Variants in CPNE3 observed in about 807,000 individuals in gnomAD.
The protein encoded by CPNE3 is copine 3.
Under a neutral mutation model 63.9 loss-of-function variants are expected in CPNE3, and 68 were observed. The observed-to-expected ratio is 1.06, with a 90% CI of 0.87 to 1.30. The LOEUF is 1.30. CPNE3 is among the 50% of genes most tolerant of loss of function. The pLI, the probability that CPNE3 is intolerant of heterozygous loss-of-function variation, is 0.00. For missense variants in CPNE3, 665 were observed against 578.1 expected (o/e 1.15, Z -1.54); for synonymous variants, 219 against 197.5 (o/e 1.11, Z -0.91).
intron 6 of CPNE3, among the ~76,000 whole-genome samples, chr8:86,534,588 G>A (rs983760168): frequency 5.9e-5 from 9 of 152,070 alleles, no homozygotes; most frequent in African/African-American, 1.4e-4. Context: ...CCTGGGAGGC[G>A]GAGGTTGCAG....
Position 86,556,086 on chromosome 8 carries a change from T to C in CPNE3, c.1255-16T>C, listed in dbSNP as rs774320793. The C allele has an allele frequency of 2.6e-5, 23 of 871,622 alleles. No individual in the cohort carries two copies. In the Admixed American group the frequency reaches 3.2e-4, roughly 12 times the overall value. The allele number at this position is 871,622 out of a possible 1,614,324, so 54.0% of individuals were successfully genotyped here. ...TGCTTGACTTGCTCAGGGGACATGT[T>C]TTCTTTTTCTGGCAGCAATATTTTG... On this transcript the variant is annotated splice_polypyrimidine_tract_variant and intron_variant, in intron 15 of 16. Coordinates refer to ENST00000517490, the MANE Select transcript of CPNE3 (RefSeq NM_003909.5).
At position 86,529,064 on chromosome 8, in the gene CPNE3, C is replaced by G. The variant is rs1259706769; in HGVS notation, c.252C>G (p.Asn84Lys). The G allele has an allele frequency of 3.7e-6, 6 of 1,613,914 alleles. No individual in the cohort carries two copies. The highest frequency in any genetic ancestry group is 3.3e-5 in the South Asian group (3 of 91,064). ...AATTTGGGGTTTATGACATCGACAA[C>G]AAAACTATTGAGCTGAGTGATGATG... ...KLKFGVYDID[N>K]KTIELSDDDF... The change falls in exon 4 of 17, where the codon AAC becomes AAG. Residue 84 changes from asparagine to lysine, a missense_variant. By Grantham distance (94) the Asn-to-Lys change is moderately conservative. Coordinates refer to ENST00000517490, the MANE Select transcript of CPNE3 (RefSeq NM_003909.5).
intron 14 of CPNE3, among the ~76,000 whole-genome samples, chr8:86,554,375 C>A (rs1420130555): frequency 6.6e-6 from 1 of 152,182 alleles, no homozygotes; most frequent in Admixed American, 6.5e-5. Context: ...TGAATAAACA[C>A]TTGTATCAGT....
At chr8:86,555,656 A>G (rs1255006740) in intron 15 of CPNE3, among the ~76,000 whole-genome samples, 1 of 152,134 alleles carries the variant, frequency 6.6e-6, no homozygotes, top group Non-Finnish European at 1.5e-5. Flanking sequence ...CATCACTTAA[A>G]CCATATCTAT....
chr8:86,540,346 T>TTA lies in CPNE3; in HGVS notation c.633+23_633+24dup, dbSNP rs770711166. 1.3e-5 allele frequency: 17 copies of TTA among 1,318,368 alleles called. No individual in the cohort carries two copies. Among genetic ancestry groups the TTA allele is most frequent in the East Asian group, 2.6e-5 (1 of 38,658 alleles). The allele number at this position is 1,318,368 out of a possible 1,614,324, so 81.7% of individuals were successfully genotyped here. On this transcript the variant is annotated intron_variant, in intron 8 of 16. Coordinates refer to ENST00000517490, the MANE Select transcript of CPNE3 (RefSeq NM_003909.5). ...ACAAAACCATTAAGGTAAGTTGAAA[T>TTA]TATATATATATAAAATACTTAAATA...
intron 7 of CPNE3, 85 bp downstream of exon 7, chr8:86,537,731 AG>A: frequency 2.4e-6 from 2 of 828,194 alleles, no homozygotes; most frequent in Non-Finnish European, 4.1e-6. Flanking sequence ...TATTTATAAA[AG>A]TATCAATCTG....
intron 7 of CPNE3, among the ~76,000 whole-genome samples, chr8:86,539,401 A>C (rs753187123): frequency 4.4e-4 from 67 of 152,294 alleles, no homozygotes; most frequent in Non-Finnish European, 7.5e-4. Context: ...TGAGTGCTGA[A>C]TGTGCTCATT....
chr8:86,533,665 C>T lies in CPNE3; in HGVS notation c.459+1085C>T, dbSNP rs186438005. 1.7e-3 allele frequency among the ~76,000 whole-genome samples: 253 copies of T among 151,926 alleles called. 1 individual carries two copies. Among genetic ancestry groups the T allele is most frequent in the African/African-American group, 5.6e-3 (232 of 41,452 alleles). ...CTCTTTTTAAAAAATTTCATGTTCT[C>T]ATCACCCATTTTCCACAATTATAAC... On this transcript the variant is annotated intron_variant, in intron 6 of 16. Transcript: ENST00000517490.
At chr8:86,530,975 AG>A (rs1820669472) in intron 4 of CPNE3, among the ~76,000 whole-genome samples, 179 bp from the exon 5 acceptor site, 1 of 152,156 alleles carries the variant, frequency 6.6e-6, no homozygotes, top group South Asian at 2.1e-4. Flanking sequence ...TACAGGCATG[AG>A]CCACTGCACC....
intron 6 of CPNE3, among the ~76,000 whole-genome samples, chr8:86,532,991 A>G (rs1820714310): frequency 6.6e-6 from 1 of 152,082 alleles, no homozygotes; most frequent in South Asian, 2.1e-4. Context: ...AATTTAGTAT[A>G]TAGCATGGAT....
intron 4 of CPNE3, 144 bp from the exon 5 acceptor site, chr8:86,531,011 A>C: frequency 1.6e-6 from 1 of 608,332 alleles, no homozygotes; most frequent in South Asian, 2.0e-5. Context: ...TAGATGATCT[A>C]AATCTTTAAG....
chr8:86,556,424 G>T, intron 16 of CPNE3, 86 bp downstream of exon 16: 1 of 812,990 alleles, frequency 1.2e-6, no homozygotes. Flanking sequence ...GATTAGGTGT[G>T]CAGGGTTAGA....
Position 86,523,845 on chromosome 8 carries a change from C to T in CPNE3, c.-10-4691C>T, listed in dbSNP as rs186030965. ...TCAAGTGATCCCCCTACCTCGCCCACCCAAAGTGCTGGGATTACAGGTGTG... is the reference window on the plus strand; with the variant it reads ...TCAAGTGATCCCCCTACCTCGCCCATCCAAAGTGCTGGGATTACAGGTGTG... On this transcript the variant is annotated intron_variant, in intron 2 of 16. Coordinates refer to ENST00000517490, the MANE Select transcript of CPNE3 (RefSeq NM_003909.5). 1.9e-3 allele frequency among the ~76,000 whole-genome samples: 295 copies of T among 152,276 alleles called. 2 individuals are homozygous for T. Among genetic ancestry groups the T allele is most frequent in the Middle Eastern group, 6.8e-3 (2 of 294 alleles).
intron 2 of CPNE3, among the ~76,000 whole-genome samples, chr8:86,522,169 C>G (rs1012444644): frequency 2.0e-5 from 3 of 152,130 alleles, no homozygotes; most frequent in Admixed American, 1.3e-4. Context: ...AAGTAGAAAT[C>G]TCTGGGGAGC....
chr8:86,546,751 G>T, intron 10 of CPNE3, 70 bp downstream of exon 10: 2 of 1,508,908 alleles, frequency 1.3e-6, no homozygotes, highest in South Asian at 2.5e-5. Flanking sequence ...TCGCTCTGTT[G>T]CCCAGGCTGG....
intron 10 of CPNE3, 88 bp from the exon 11 acceptor site, chr8:86,547,623 A>G: frequency 1.4e-6 from 1 of 708,766 alleles, no homozygotes; most frequent in Non-Finnish European, 2.5e-6. Context: ...TGTTCAATTT[A>G]CAGACTTTTA....
At position 86,557,426 on chromosome 8, in the gene CPNE3, G is replaced by T. The variant is rs373265800; in HGVS notation, c.1492-862G>T. On this transcript the variant is annotated intron_variant, in intron 16 of 16. Transcript: ENST00000517490. ...GCTGGGATTACAGCCGTGTGCCACCGCACCCAGCCTATTCATGGATTTTTG... is the reference window on the plus strand; with the variant it reads ...GCTGGGATTACAGCCGTGTGCCACCTCACCCAGCCTATTCATGGATTTTTG... Among the ~76,000 whole-genome samples, 8 of 152,246 alleles carry T rather than the reference G, an allele frequency of 5.3e-5. No individual in the cohort carries two copies. The East Asian group carries it at 1.4e-3, about 26-fold the overall frequency.
chr8:86,541,311 T>C (rs1282266531), intron 8 of CPNE3, among the ~76,000 whole-genome samples: 3 of 152,190 alleles, frequency 2.0e-5, no homozygotes, highest in South Asian at 2.1e-4. Flanking sequence ...ACTTTTATAA[T>C]AGAGTTAAGA....
At chr8:86,534,145 A>G (rs1450629749) in intron 6 of CPNE3, among the ~76,000 whole-genome samples, 2 of 152,126 alleles carry the variant, frequency 1.3e-5, no homozygotes, top group Non-Finnish European at 2.9e-5. Context: ...GGCTAATTAA[A>G]TCCTGTGGTG....
Sources: gnomAD v4.1 joint callset for allele counts (sites outside exome capture counted in the v4.1 genomes callset) on GRCh38, gnomAD v4.1.1 for gene constraint, MANE v1.5 for transcripts, NCBI Gene and HGNC (gene_info 2026-07-23, HGNC 2026-07-21) for gene names.